Variants in GNG12 observed in about 807,000 individuals in gnomAD.
GNG12 encodes the protein G protein subunit gamma 12, also known as guanine nucleotide-binding protein G(I)/G(S)/G(O) subunit gamma-12.
For synonymous variants in GNG12, 28 were observed against 29.7 expected, an observed-to-expected ratio of 0.94 and a Z score of 0.19; for missense variants, 69 against 83.8, an observed-to-expected ratio of 0.82 and a Z score of 0.69.
At chr1:67,764,996 G>C (rs1230937740) in intron 2 of GNG12, among the ~76,000 whole-genome samples, 1 of 152,060 alleles carries the variant, frequency 6.6e-6, no homozygotes, top group East Asian at 1.9e-4. Flanking sequence ...GGGTCAAAAA[G>C]CAACAGATTA....
chr1:67,764,868 T>A (rs1458866920), intron 2 of GNG12, among the ~76,000 whole-genome samples: 1 of 152,040 alleles, frequency 6.6e-6, no homozygotes, highest in Admixed American at 6.6e-5. Flanking sequence ...TTTGTCAGAG[T>A]GAGTCAAGTA....
At chr1:67,714,110 G>T (rs1181558719) in intron 2 of GNG12, among the ~76,000 whole-genome samples, 1 of 152,220 alleles carries the variant, frequency 6.6e-6, no homozygotes, top group Non-Finnish European at 1.5e-5. Flanking sequence ...CATTGTGTGT[G>T]TGTGTTTTAA....
chr1:67,769,889 G>A (rs1315974931), intron 2 of GNG12, among the ~76,000 whole-genome samples: 2 of 152,136 alleles, frequency 1.3e-5, no homozygotes, highest in Non-Finnish European at 2.9e-5. Context: ...AACGTCACAG[G>A]AAGCTAGGTT....
In GNG12 at chr1:67,735,965, A is replaced by G. The variant is rs1177780318; in HGVS notation, c.-26-28253T>C. On this transcript the variant is annotated intron_variant, in intron 2 of 3. Transcript: ENST00000370982. ...ATTTCCTGGGCGCTAAACCAAGTGG[A>G]GGAGTTCTCACAAGGGAAAGAGCCA... 2.9e-4 allele frequency among the ~76,000 whole-genome samples: 44 copies of G among 151,856 alleles called. 2 individuals are homozygous for G.
chr1:67,811,351 T>C (rs1646924176), intron 1 of GNG12, among the ~76,000 whole-genome samples: 1 of 152,112 alleles, frequency 6.6e-6, no homozygotes, highest in Non-Finnish European at 1.5e-5. Flanking sequence ...AGGGAAATGC[T>C]CTTTGGCCAT....
At chr1:67,783,238 C>G (rs1646747276) in intron 1 of GNG12, among the ~76,000 whole-genome samples, 1 of 152,154 alleles carries the variant, frequency 6.6e-6, no homozygotes, top group Non-Finnish European at 1.5e-5. Context: ...CTAAATCAAT[C>G]CCCTAATGCT....
intron 2 of GNG12, among the ~76,000 whole-genome samples, chr1:67,754,402 T>C (rs1157155989): frequency 5.3e-5 from 8 of 152,180 alleles, no homozygotes; most frequent in Non-Finnish European, 1.0e-4. Flanking sequence ...AGAGTCGTTC[T>C]GGACTCCCCA....
At chr1:67,791,753 C>T (rs1430060800) in intron 1 of GNG12, among the ~76,000 whole-genome samples, 3 of 152,164 alleles carry the variant, frequency 2.0e-5, no homozygotes, top group African/African-American at 7.2e-5. Context: ...CTCTGCTGAT[C>T]TGGGCTTCAC....
chr1:67,780,551 G>A (rs558360050), intron 1 of GNG12, among the ~76,000 whole-genome samples: 2 of 152,270 alleles, frequency 1.3e-5, no homozygotes, highest in East Asian at 3.9e-4. Context: ...TAGATACTCA[G>A]TAAAGACACA....
chr1:67,787,195 T>TA (rs772149437), intron 1 of GNG12, among the ~76,000 whole-genome samples: 1 of 151,910 alleles, frequency 6.6e-6, no homozygotes, highest in Non-Finnish European at 1.5e-5. Flanking sequence ...AGGGGACACT[T>TA]ATGCCAGTCT....
In GNG12 at chr1:67,750,102, G is replaced by T. The variant is rs201010861; in HGVS notation, c.-27+27356C>A. Among the ~76,000 whole-genome samples, 18 of 152,230 alleles carry T rather than the reference G, an allele frequency of 1.2e-4. No homozygotes were observed. In the East Asian group the frequency reaches 3.5e-3, roughly 29 times the overall value. On this transcript the variant is annotated intron_variant, in intron 2 of 3. Coordinates refer to ENST00000370982, the MANE Select transcript of GNG12 (RefSeq NM_018841.6). ...TATCTTCCTTTAAACAACAAAAACG[G>T]AGCAGAAAGAGGAAAAAAGCCTGAA...
At chr1:67,713,608 C>T (rs1646308652) in intron 2 of GNG12, among the ~76,000 whole-genome samples, 1 of 150,454 alleles carries the variant, frequency 6.6e-6, no homozygotes, top group South Asian at 2.2e-4. Flanking sequence ...GGAGTGAAGC[C>T]AACTTTCATG....
intron 1 of GNG12, among the ~76,000 whole-genome samples, chr1:67,831,693 A>G (rs932216626): frequency 6.6e-6 from 1 of 152,108 alleles, no homozygotes; most frequent in Admixed American, 6.5e-5. Context: ...ATCACTTAAG[A>G]CTCTGTAAAA....
At chr1:67,729,117 C>G (rs1322916322) in intron 2 of GNG12, among the ~76,000 whole-genome samples, 1 of 152,050 alleles carries the variant, frequency 6.6e-6, no homozygotes, top group Non-Finnish European at 1.5e-5. Context: ...AGGTGCTGCC[C>G]CATGTTCCGG....
At chr1:67,752,879 G>A (rs1646546749) in intron 2 of GNG12, among the ~76,000 whole-genome samples, 1 of 152,176 alleles carries the variant, frequency 6.6e-6, no homozygotes, top group South Asian at 2.1e-4. Context: ...GCCAATTTAT[G>A]TCCCTGTGTC....
At chr1:67,739,831 T>C (rs756042313) in intron 2 of GNG12, among the ~76,000 whole-genome samples, 50 of 152,208 alleles carry the variant, frequency 3.3e-4, no homozygotes, top group Non-Finnish European at 5.7e-4. Flanking sequence ...GGAAAGCCAC[T>C]GTGAAACTAG....
chr1:67,747,412 G>A (rs899039679), intron 2 of GNG12, among the ~76,000 whole-genome samples: 2 of 152,192 alleles, frequency 1.3e-5, no homozygotes, highest in Admixed American at 6.5e-5. Context: ...GAGCCACCGC[G>A]CCTAGCCCAT....
intron 1 of GNG12, among the ~76,000 whole-genome samples, chr1:67,781,618 A>G (rs964707670): frequency 2.6e-5 from 4 of 152,200 alleles, no homozygotes; most frequent in Non-Finnish European, 5.9e-5. Context: ...CAGCAGCTGT[A>G]GGGAGGAGTA....
At chr1:67,709,381 G>A (rs186971411) in intron 2 of GNG12, among the ~76,000 whole-genome samples, 2 of 152,220 alleles carry the variant, frequency 1.3e-5, no homozygotes, top group African/African-American at 4.8e-5. Flanking sequence ...GTATGGGTGG[G>A]GCTATCGGCA....
Sources: gnomAD v4.1 joint callset for allele counts (sites outside exome capture counted in the v4.1 genomes callset) on GRCh38, gnomAD v4.1.1 for gene constraint, MANE v1.5 for transcripts, NCBI Gene and HGNC (gene_info 2026-07-23, HGNC 2026-07-21) for gene names.